The following OTOGL variants were observed in gnomAD, a reference collection of about 807,000 sequenced individuals.
OTOGL encodes the protein otogelin like.
In OTOGL, 285 loss-of-function variants were observed where a neutral mutation model predicts 318.5. The observed-to-expected ratio is 0.89, with a 90% CI of 0.81 to 0.99. The LOEUF (loss-of-function observed/expected upper bound fraction) is 0.99, where lower values mean the gene tolerates loss of function less well. Ranked by LOEUF, OTOGL falls within the 50% of genes least tolerant of loss-of-function variation. OTOGL has a pLI of 0.00. For synonymous variants in OTOGL, 987 were observed against 936.5 expected (o/e 1.05, Z -0.99); for missense variants, 2,899 against 2,845.6 (o/e 1.02, Z -0.43).
At position 80,302,811 on chromosome 12, in the gene OTOGL, T is replaced by A. The variant is rs77786512; in HGVS notation, c.3213+28T>A. ...AGGTCAACCTAAGCTCCAAATGAGATGTAATGAATAAAATCACATTTAGTT... is the reference window on the plus strand; with the variant it reads ...AGGTCAACCTAAGCTCCAAATGAGAAGTAATGAATAAAATCACATTTAGTT... On this transcript the variant is annotated intron_variant, in intron 28 of 58. Transcript: ENST00000547103. 2.4e-5 allele frequency: 34 copies of A among 1,418,740 alleles called. No homozygotes were observed. In the African/African-American group the frequency reaches 4.2e-4, roughly 18 times the overall value. 87.9% of individuals were successfully genotyped at this position (1,418,740 alleles called of 1,614,324 possible).
At chr12:80,314,661 C>T (rs1033015545) in intron 32 of OTOGL, among the ~76,000 whole-genome samples, 4 of 152,112 alleles carry the variant, frequency 2.6e-5, no homozygotes, top group Admixed American at 2.6e-4. Context: ...AAATGCATAC[C>T]TTTACCATTA....
intron 18 of OTOGL, among the ~76,000 whole-genome samples, chr12:80,260,861 G>T (rs2137540870): frequency 6.6e-6 from 1 of 152,230 alleles, no homozygotes; most frequent in East Asian, 1.9e-4. Context: ...AGTGAAGAGA[G>T]AAGGAAGGGG....
At position 80,202,803 on chromosome 12, in the gene OTOGL, C is replaced by T. The variant is rs561088409; in HGVS notation, c.-19-6610C>T. On this transcript the variant is annotated intron_variant, in intron 1 of 58. Coordinates refer to ENST00000547103, the MANE Select transcript of OTOGL (RefSeq NM_001378609.3). ...ACTGGATAGAGGTAGTCATGGGAAC[C>T]ACCGCTTGTCTTTGCTTCCTTCTGA... Among the ~76,000 whole-genome samples the T allele has an allele frequency of 4.6e-5, 7 of 152,258 alleles. No individual in the cohort carries two copies. In the East Asian group the frequency reaches 9.6e-4, roughly 21 times the overall value.
intron 52 of OTOGL, among the ~76,000 whole-genome samples, chr12:80,365,409 C>T (rs1435940845): frequency 1.3e-5 from 2 of 151,878 alleles, no homozygotes; most frequent in Middle Eastern, 3.4e-3. Flanking sequence ...TAATTGAATA[C>T]GTGGATAAGA....
intron 39 of OTOGL, 46 bp from the exon 40 acceptor site, chr12:80,336,367 A>G (rs1183698869): frequency 9.3e-6 from 14 of 1,509,716 alleles, no homozygotes; most frequent in African/African-American, 4.2e-5. Context: ...ATTACTGAAA[A>G]TGCAGATAGT....
At chr12:80,263,547 G>T (rs1019043486) in intron 19 of OTOGL, among the ~76,000 whole-genome samples, 1 of 151,940 alleles carries the variant, frequency 6.6e-6, no homozygotes, top group Non-Finnish European at 1.5e-5. Context: ...TATATTTTGA[G>T]ATATTTGCCT....
In OTOGL at chr12:80,370,873, C is replaced by T. The variant is rs550816799; in HGVS notation, c.6735+184C>T. On this transcript the variant is annotated intron_variant, in intron 56 of 58. Transcript: ENST00000547103. The stretch of plus-strand genomic sequence containing the variant: ...AAATTTTGAGTTATATACGGCGTTC[C>T]AGGTAATTCTGTCTTGAATAGATAC... The T allele has an allele frequency of 2.2e-5, 9 of 415,006 alleles. No individual in the cohort carries two copies. In the South Asian group the frequency reaches 4.4e-4, roughly 20 times the overall value. The allele number at this position is 415,006 out of a possible 1,614,324, so 25.7% of individuals were successfully genotyped here. A position where few individuals can be genotyped will look rare whatever the true frequency, so the allele number is the denominator to read the frequency against.
At chr12:80,239,479 A>T (rs1254151909) in intron 11 of OTOGL, 40 bp downstream of exon 11, 4 of 1,415,330 alleles carry the variant, frequency 2.8e-6, no homozygotes, top group Non-Finnish European at 3.9e-6. Context: ...AATTTTCTTT[A>T]TGCAAAAAGA....
At chr12:80,369,703 A>G (rs1215936440) in intron 55 of OTOGL, among the ~76,000 whole-genome samples, 1 of 152,070 alleles carries the variant, frequency 6.6e-6, no homozygotes, top group Non-Finnish European at 1.5e-5. Flanking sequence ...GTACAAATTT[A>G]TTAAGAGAAT....
intron 1 of OTOGL, among the ~76,000 whole-genome samples, chr12:80,123,398 G>A (rs1359604447): frequency 1.3e-5 from 2 of 152,178 alleles, no homozygotes; most frequent in Non-Finnish European, 2.9e-5. Context: ...ATTCTATGGT[G>A]TATATGTGCC....
intron 1 of OTOGL, among the ~76,000 whole-genome samples, chr12:80,138,149 G>A (rs999836362): frequency 4.6e-5 from 7 of 152,172 alleles, no homozygotes; most frequent in Non-Finnish European, 1.0e-4. Flanking sequence ...GAATCAGAAT[G>A]AACGAGTTCC....
intron 7 of OTOGL, among the ~76,000 whole-genome samples, chr12:80,225,917 T>C (rs1041601079): frequency 2.0e-5 from 3 of 152,058 alleles, no homozygotes; most frequent in African/African-American, 7.2e-5. Flanking sequence ...TTTATGAAAA[T>C]AATATATGTG....
intron 1 of OTOGL, among the ~76,000 whole-genome samples, chr12:80,169,868 G>C (rs760703813): frequency 3.3e-5 from 5 of 152,146 alleles, no homozygotes; most frequent in Non-Finnish European, 5.9e-5. Flanking sequence ...TTGCTGAGTA[G>C]TATTCCATTG....
intron 38 of OTOGL, among the ~76,000 whole-genome samples, chr12:80,335,192 T>C (rs1442777537): frequency 6.6e-6 from 1 of 152,136 alleles, no homozygotes; most frequent in Non-Finnish European, 1.5e-5. Flanking sequence ...GTCAAGAGCA[T>C]AGATTCCCGA....
chr12:80,310,856 G>A lies in OTOGL; in HGVS notation c.3450+129G>A, dbSNP rs897170512. ...GATATACCACCTAACTATTGTTAGG[G>A]GGGCATATGTGTTAGTTTGTTTTTC... On this transcript the variant is annotated intron_variant, in intron 30 of 58. Coordinates refer to ENST00000547103, the MANE Select transcript of OTOGL (RefSeq NM_001378609.3). The A allele has an allele frequency of 4.7e-5, 30 of 638,616 alleles. No individual in the cohort carries two copies. The African/African-American group carries it at 5.0e-4, about 11-fold the overall frequency. The allele number at this position is 638,616 out of a possible 1,614,324, so 39.6% of individuals were successfully genotyped here.
chr12:80,358,839 A>G, intron 51 of OTOGL, 21 bp from the exon 52 acceptor site: 1 of 1,533,306 alleles, frequency 6.5e-7, no homozygotes, highest in Non-Finnish European at 8.8e-7. Flanking sequence ...CAATGTAAAT[A>G]TGTTGATTTT....
At position 80,176,851 on chromosome 12, in the gene OTOGL, G is replaced by A. The variant is rs7979408; in HGVS notation, c.-19-32562G>A. Among the ~76,000 whole-genome samples, 217 of 151,950 alleles carry A rather than the reference G, an allele frequency of 1.4e-3. 8 individuals are homozygous for A. In the South Asian group the frequency reaches 0.042, roughly 29 times the overall value. On this transcript the variant is annotated intron_variant, in intron 1 of 58. Coordinates refer to ENST00000547103, the MANE Select transcript of OTOGL (RefSeq NM_001378609.3). The stretch of plus-strand genomic sequence containing the variant: ...TTCCAAAGGGGTTGTACCATTTTAC[G>A]TTCTTATAAGCACTGTGTGAAAATT...
chr12:80,164,779 C>A (rs1239252968), intron 1 of OTOGL, among the ~76,000 whole-genome samples: 1 of 152,012 alleles, frequency 6.6e-6, no homozygotes, highest in South Asian at 2.1e-4. Context: ...CTGAGATGAC[C>A]CAGTGTACTA....
intron 1 of OTOGL, among the ~76,000 whole-genome samples, chr12:80,180,823 A>G (rs1202924301): frequency 6.6e-6 from 1 of 152,172 alleles, no homozygotes; most frequent in African/African-American, 2.4e-5. Context: ...ATGAGCTTGT[A>G]TAAGGTTATG....
Sources: gnomAD v4.1 joint callset for allele counts (sites outside exome capture counted in the v4.1 genomes callset) on GRCh38, gnomAD v4.1.1 for gene constraint, MANE v1.5 for transcripts, NCBI Gene and HGNC (gene_info 2026-07-23, HGNC 2026-07-21) for gene names.